Variants in AKAP6 observed in about 807,000 individuals in gnomAD.
AKAP6 encodes the protein A-kinase anchoring protein 6.
In AKAP6, 58 loss-of-function variants were observed where a neutral mutation model predicts 188.5. The observed-to-expected ratio is 0.31, with a 90% CI of 0.25 to 0.38. The LOEUF is 0.38. AKAP6 is among the 10% of genes least tolerant of loss of function. The pLI, the probability that AKAP6 is intolerant of heterozygous loss-of-function variation, is 1.00. For missense variants in AKAP6, 2,710 were observed against 2,740.0 expected (o/e 0.99, Z 0.24); for synonymous variants, 989 against 998.6 (o/e 0.99, Z 0.18).
chr14:32,345,570 T>C (rs1397770318), intron 1 of AKAP6, among the ~76,000 whole-genome samples: 3 of 152,206 alleles, frequency 2.0e-5, no homozygotes, highest in Non-Finnish European at 4.4e-5. Context: ...ATCAGTGTAT[T>C]GATACTAGAG....
chr14:32,476,834 G>T (rs1879090184), intron 2 of AKAP6, among the ~76,000 whole-genome samples: 1 of 152,190 alleles, frequency 6.6e-6, no homozygotes, highest in Non-Finnish European at 1.5e-5. Context: ...CTCCACAGTG[G>T]CTTACAAGTA....
At chr14:32,725,054 T>G (rs1322337195) in intron 9 of AKAP6, among the ~76,000 whole-genome samples, 1 of 133,824 alleles carries the variant, frequency 7.5e-6, no homozygotes, top group Non-Finnish European at 1.6e-5. Flanking sequence ...AACAATATTG[T>G]TCAGTGTGGG....
At chr14:32,534,864 C>T (rs1882594061) in intron 2 of AKAP6, among the ~76,000 whole-genome samples, 1 of 151,266 alleles carries the variant, frequency 6.6e-6, no homozygotes. Flanking sequence ...ACTTGGGAAG[C>T]TGAGGCAGGA....
chr14:32,686,496 A>C (rs548918070), intron 8 of AKAP6, among the ~76,000 whole-genome samples: 1 of 152,116 alleles, frequency 6.6e-6, no homozygotes, highest in Non-Finnish European at 1.5e-5. Context: ...TAGATGCCCA[A>C]TTTTCCATGA....
chr14:32,688,163 A>T (rs2139672036), intron 8 of AKAP6, among the ~76,000 whole-genome samples: 1 of 151,236 alleles, frequency 6.6e-6, no homozygotes, highest in Admixed American at 6.6e-5. Flanking sequence ...CACACACACC[A>T]CACACACACG....
chr14:32,543,000 G>A (rs1435645068), intron 3 of AKAP6, among the ~76,000 whole-genome samples: 3 of 152,156 alleles, frequency 2.0e-5, no homozygotes, highest in African/African-American at 7.2e-5. Flanking sequence ...TCAAATCAGG[G>A]AAATTAACAT....
intron 2 of AKAP6, among the ~76,000 whole-genome samples, chr14:32,499,198 A>G (rs1251825938): frequency 6.6e-6 from 1 of 152,080 alleles, no homozygotes; most frequent in Non-Finnish European, 1.5e-5. Context: ...GCAATGTTCA[A>G]TTTCTTTATC....
At chr14:32,579,051 G>C (rs1167837563) in intron 5 of AKAP6, among the ~76,000 whole-genome samples, 1 of 152,094 alleles carries the variant, frequency 6.6e-6, no homozygotes, top group Non-Finnish European at 1.5e-5. Flanking sequence ...TTGAAATGTG[G>C]CTAATGCAAC....
intron 7 of AKAP6, among the ~76,000 whole-genome samples, chr14:32,643,259 C>A (rs1199684525): frequency 1.3e-5 from 2 of 151,996 alleles, no homozygotes; most frequent in Non-Finnish European, 1.5e-5. Flanking sequence ...TTGCCACCTT[C>A]TCTTCTTTTT....
At chr14:32,361,535 A>G (rs996878625) in intron 1 of AKAP6, among the ~76,000 whole-genome samples, 1 of 152,164 alleles carries the variant, frequency 6.6e-6, no homozygotes, top group African/African-American at 2.4e-5. Flanking sequence ...AAGGGAGGCC[A>G]TCTAGTTTTT....
chr14:32,593,863 G>A (rs577177213), intron 5 of AKAP6, among the ~76,000 whole-genome samples: 38 of 152,242 alleles, frequency 2.5e-4, no homozygotes, highest in Non-Finnish European at 3.2e-4. Context: ...TATGTTTTGG[G>A]GGGTCCTCTG....
intron 11 of AKAP6, among the ~76,000 whole-genome samples, chr14:32,755,434 T>C (rs1436838570): frequency 1.3e-5 from 2 of 152,070 alleles, no homozygotes; most frequent in Admixed American, 1.3e-4. Flanking sequence ...ATTTTATTGT[T>C]GTTTGTTAGT....
intron 11 of AKAP6, among the ~76,000 whole-genome samples, chr14:32,766,957 T>C (rs1248946979): frequency 6.6e-6 from 1 of 152,148 alleles, no homozygotes; most frequent in Non-Finnish European, 1.5e-5. Context: ...CAATTAAGAG[T>C]ATGATCCATT....
chr14:32,404,874 C>G (rs1889236161), intron 1 of AKAP6, among the ~76,000 whole-genome samples: 1 of 148,446 alleles, frequency 6.7e-6, no homozygotes, highest in African/African-American at 2.5e-5. Flanking sequence ...CTTTCCATCC[C>G]TGGGTCTGAA....
At position 32,545,466 on chromosome 14, in the gene AKAP6, T is replaced by C. The variant is rs971185436; in HGVS notation, c.813T>C (p.Ser271=). 3 of 1,614,084 alleles carry C rather than the reference T, an allele frequency of 1.9e-6. No individual in the cohort carries two copies. Among genetic ancestry groups the C allele is most frequent in the Admixed American group, 1.7e-5 (1 of 60,010 alleles). ...MEKEFPELIR[S]VGLLTVAADS... ...AGGAGTTTCCTGAGCTTATCCGAAG[T>C]GTTGGTTTACTTACGGTAGCTGCTG... The change falls in exon 4 of 14, where the codon AGT becomes AGC. Residue 271 remains serine, a synonymous_variant. Transcript: ENST00000280979.
At chr14:32,562,098 C>A (rs1286425407) in intron 4 of AKAP6, among the ~76,000 whole-genome samples, 1 of 152,106 alleles carries the variant, frequency 6.6e-6, no homozygotes, top group African/African-American at 2.4e-5. Context: ...ATACGCTTTC[C>A]ATTCTCAGGT....
At chr14:32,643,080 C>A (rs1887828296) in intron 7 of AKAP6, among the ~76,000 whole-genome samples, 1 of 152,054 alleles carries the variant, frequency 6.6e-6, no homozygotes, top group South Asian at 2.1e-4. Context: ...TCTTATGAAA[C>A]AAATGTAATA....
intron 2 of AKAP6, among the ~76,000 whole-genome samples, chr14:32,464,825 A>G (rs959894022): frequency 2.6e-5 from 4 of 152,246 alleles, no homozygotes; most frequent in Admixed American, 2.0e-4. Flanking sequence ...TGCAAATGAC[A>G]TGATTGTATA....
chr14:32,728,686 C>G (rs918079984), intron 9 of AKAP6, among the ~76,000 whole-genome samples: 2 of 152,142 alleles, frequency 1.3e-5, no homozygotes, highest in African/African-American at 4.8e-5. Flanking sequence ...GCAGCCAAAG[C>G]TTCACTCTCT....
Sources: allele counts gnomAD v4.1 joint callset (sites outside exome capture counted in the v4.1 genomes callset), GRCh38; gene constraint gnomAD v4.1.1; transcripts MANE v1.5; gene names NCBI Gene and HGNC (gene_info 2026-07-23, HGNC 2026-07-21).